FHOD3: variants seen among roughly 807,000 people sequenced by gnomAD.
FHOD3 encodes FH1/FH2 domain-containing protein 3.
FHOD3 carries 90 observed loss-of-function variants against 173.0 expected under a neutral mutation model. That is an observed-to-expected ratio of 0.52 (90% CI 0.44 to 0.62). The LOEUF (loss-of-function observed/expected upper bound fraction) is 0.62. Ranked by LOEUF, FHOD3 falls within the 20% of genes least tolerant of loss-of-function variation. FHOD3 has a pLI of 0.00. For missense variants in FHOD3, 1,945 were observed against 2,034.7 expected (o/e 0.96, Z 0.85); for synonymous variants, 828 against 823.0 (o/e 1.01, Z -0.10).
chr18:36,463,685 A>G (rs1488395568), intron 3 of FHOD3, among the ~76,000 whole-genome samples: 1 of 151,906 alleles, frequency 6.6e-6, no homozygotes, highest in Non-Finnish European at 1.5e-5. Context: ...CTGTAGAGAT[A>G]GGGTTTCACC....
intron 18 of FHOD3, among the ~76,000 whole-genome samples, chr18:36,715,453 C>A (rs918918749): frequency 1.3e-5 from 2 of 152,168 alleles, no homozygotes; most frequent in Admixed American, 1.3e-4. Flanking sequence ...ATAAATTACC[C>A]AGTCTCGGGC....
In FHOD3 at chr18:36,740,684, A is replaced by T. The variant is rs2041861310; in HGVS notation, c.3605A>T (p.Glu1202Val). 6.2e-7 allele frequency: 1 copy of T among 1,613,924 alleles called. No individual in the cohort carries two copies. The highest frequency in any genetic ancestry group is 1.1e-5 in the South Asian group (1 of 91,058). ...EKILTMIPTDEEKQKIQEAQL... is the reference protein window; with the variant it reads ...EKILTMIPTDVEKQKIQEAQL... ...ATTCTAACGATGATTCCCACCGATG[A>T]GGAGAAGCAGAAAATCCAGGAAGCT... Residue 1202 changes from glutamate to valine, a missense_variant, in exon 21 of 29, where the codon GAG becomes GTG. Around this residue, in one of 5 missense-constraint regions of FHOD3, gnomAD observed 231 missense variants for 321.9 expected, o/e 0.72. Coordinates refer to ENST00000590592, the MANE Select transcript of FHOD3 (RefSeq NM_001281740.3).
intron 27 of FHOD3, among the ~76,000 whole-genome samples, chr18:36,767,308 C>CAA (rs376017493): frequency 4.0e-4 from 58 of 144,244 alleles, no homozygotes; most frequent in African/African-American, 1.4e-3. Flanking sequence ...TAAGCAAAAC[C>CAA]AAAAAAAAAA....
chr18:36,350,309 A>G (rs1351409869), intron 1 of FHOD3, among the ~76,000 whole-genome samples: 1 of 152,084 alleles, frequency 6.6e-6, no homozygotes, highest in Non-Finnish European at 1.5e-5. Flanking sequence ...CCTGCCTCCC[A>G]CCAGAATCCT....
At chr18:36,313,986 G>T (rs1377165596) in intron 1 of FHOD3, among the ~76,000 whole-genome samples, 1 of 151,870 alleles carries the variant, frequency 6.6e-6, no homozygotes, top group East Asian at 1.9e-4. Context: ...AGGCTCAAGT[G>T]ATCCTCCAGC....
At chr18:36,755,358 A>T in intron 25 of FHOD3, 47 bp downstream of exon 25, 1 of 1,307,760 alleles carries the variant, frequency 7.6e-7, no homozygotes, top group Non-Finnish European at 1.0e-6. Context: ...TTTTCAAAGT[A>T]AGATCAGTCA....
intron 5 of FHOD3, among the ~76,000 whole-genome samples, chr18:36,530,856 T>C (rs1454237770): frequency 6.6e-6 from 1 of 152,208 alleles, no homozygotes; most frequent in Non-Finnish European, 1.5e-5. Context: ...TGCTTCTTAG[T>C]AGCTGGGGCT....
At chr18:36,340,089 G>T (rs1057490176) in intron 1 of FHOD3, among the ~76,000 whole-genome samples, 1 of 152,060 alleles carries the variant, frequency 6.6e-6, no homozygotes. Flanking sequence ...TTTATACATT[G>T]TAGTATTCTT....
chr18:36,448,782 T>TG (rs2051650367), intron 3 of FHOD3, among the ~76,000 whole-genome samples: 1 of 152,256 alleles, frequency 6.6e-6, no homozygotes, highest in South Asian at 2.1e-4. Flanking sequence ...TGGCTGTCCC[T>TG]GGGGGGCCAC....
chr18:36,593,586 T>G (rs569830918), intron 6 of FHOD3, among the ~76,000 whole-genome samples: 1 of 152,286 alleles, frequency 6.6e-6, no homozygotes, highest in South Asian at 2.1e-4. Context: ...AACACTGTGA[T>G]GTGGGCAGAT....
chr18:36,440,366 A>G (rs1213804014), intron 3 of FHOD3, among the ~76,000 whole-genome samples: 2 of 152,198 alleles, frequency 1.3e-5, no homozygotes, highest in Admixed American at 6.5e-5. Context: ...TCTTCCTGAC[A>G]GAGGATGTGG....
intron 3 of FHOD3, among the ~76,000 whole-genome samples, chr18:36,469,755 G>T (rs987988481): frequency 3.5e-5 from 5 of 144,248 alleles, no homozygotes; most frequent in Non-Finnish European, 7.7e-5. Context: ...ATTTAAGGGC[G>T]TTCAAAGTTG....
intron 14 of FHOD3, among the ~76,000 whole-genome samples, chr18:36,664,516 A>C (rs1344166985): frequency 6.6e-6 from 1 of 152,186 alleles, no homozygotes; most frequent in Non-Finnish European, 1.5e-5. Flanking sequence ...CAGTAAGTTC[A>C]GAGTGGGGTC....
chr18:36,548,508 G>C (rs199705556), intron 5 of FHOD3, among the ~76,000 whole-genome samples: 1 of 152,086 alleles, frequency 6.6e-6, no homozygotes, highest in Non-Finnish European at 1.5e-5. Flanking sequence ...CACAGTTGCC[G>C]CCATCATCAC....
chr18:36,726,291 T>C (rs1221034515), intron 19 of FHOD3, among the ~76,000 whole-genome samples: 1 of 152,088 alleles, frequency 6.6e-6, no homozygotes, highest in Non-Finnish European at 1.5e-5. Flanking sequence ...CTCAAGAAAA[T>C]GTTGTCATTT....
At chr18:36,591,041 C>T (rs1470086672) in intron 6 of FHOD3, among the ~76,000 whole-genome samples, 3 of 152,160 alleles carry the variant, frequency 2.0e-5, no homozygotes, top group Admixed American at 1.3e-4. Flanking sequence ...ATAGTCCACC[C>T]ACTGAGGAAG....
At chr18:36,401,154 C>T (rs767292223) in intron 3 of FHOD3, among the ~76,000 whole-genome samples, 1 of 152,124 alleles carries the variant, frequency 6.6e-6, no homozygotes, top group Non-Finnish European at 1.5e-5. Context: ...TGATGAAATC[C>T]AATCACCAAA....
chr18:36,434,795 G>A (rs976607109), intron 3 of FHOD3, among the ~76,000 whole-genome samples: 1 of 151,668 alleles, frequency 6.6e-6, no homozygotes, highest in African/African-American at 2.4e-5. Flanking sequence ...TTATTCTTAG[G>A]TGTGTCATTT....
intron 5 of FHOD3, among the ~76,000 whole-genome samples, chr18:36,555,348 T>C (rs2057833057): frequency 6.6e-6 from 1 of 152,072 alleles, no homozygotes; most frequent in Non-Finnish European, 1.5e-5. Context: ...CAGAGTTTTT[T>C]TATTTGTTTA....
Sources: gnomAD v4.1 joint callset for allele counts (sites outside exome capture counted in the v4.1 genomes callset) on GRCh38, gnomAD v4.1.1 for gene constraint, gnomAD v4.1.1 regional missense constraint, MANE v1.5 for transcripts, NCBI Gene and HGNC (gene_info 2026-07-23, HGNC 2026-07-21) for gene names.